ADRA1D: variants seen among roughly 807,000 people sequenced by gnomAD.
ADRA1D encodes alpha-1D adrenergic receptor.
ADRA1D carries 22 observed loss-of-function variants against 18.6 expected under a neutral mutation model. That is an observed-to-expected ratio of 1.19 (90% CI 0.85 to 1.69). ADRA1D has a LOEUF of 1.69. Among genes scored for constraint, ADRA1D ranks in the 40% most tolerant of loss-of-function variants. ADRA1D has a pLI of 0.00. For synonymous variants in ADRA1D, 376 were observed against 388.2 expected, an observed-to-expected ratio of 0.97 and a Z score of 0.37; for missense variants, 840 against 840.7, an observed-to-expected ratio of 1.00 and a Z score of 0.01.
chr20:4,228,559 TAG>T (rs1258771188), intron 1 of ADRA1D, among the ~76,000 whole-genome samples: 16 of 152,182 alleles, frequency 1.1e-4, no homozygotes, highest in African/African-American at 3.6e-4. Flanking sequence ...AATGGTGAAA[TAG>T]AGAGGGAACA....
In ADRA1D at chr20:4,247,903, A is replaced by G. The variant is rs1981373176; in HGVS notation, c.1055T>C (p.Ile352Thr). The G allele has an allele frequency of 6.3e-7, 1 of 1,597,046 alleles. No individual in the cohort carries two copies. Among genetic ancestry groups the G allele is most frequent in the South Asian group, 1.1e-5 (1 of 88,062 alleles). ...REKKAAKTLAIVVGVFVLCWF... is the reference protein window; with the variant it reads ...REKKAAKTLATVVGVFVLCWF... The stretch of plus-strand genomic sequence containing the variant: ...GCAGAGCACGAAGACACCCACGACG[A>G]TGGCCAGAGTCTTGGCCGCTTTCTT... Residue 352 changes from isoleucine to threonine, a missense_variant, in exon 1 of 2, where the codon ATC becomes ACC. Coordinates refer to ENST00000379453, the MANE Select transcript of ADRA1D (RefSeq NM_000678.4).
intron 1 of ADRA1D, among the ~76,000 whole-genome samples, chr20:4,225,428 C>CTTTTTTTTTTTTTTTTTTTTT (rs11474446): frequency 4.2e-5 from 5 of 119,538 alleles, no homozygotes; most frequent in Admixed American, 1.0e-4. Flanking sequence ...TTTTTTCTTT[C>CTTTTTTTTTTTTTTTTTTTTT]TTTTTTTTTT....
In ADRA1D at chr20:4,245,350, G is replaced by C. The variant is rs6052458; in HGVS notation, c.1111+2497C>G. The stretch of plus-strand genomic sequence containing the variant: ...ATAAATCTCAAAGACAAACAAAACA[G>C]TATATTATTATGGATACAGATGTTT... On this transcript the variant is annotated intron_variant, in intron 1 of 1. Coordinates refer to ENST00000379453, the MANE Select transcript of ADRA1D (RefSeq NM_000678.4). Among the ~76,000 whole-genome samples, 4 of 152,036 alleles carry C rather than the reference G, an allele frequency of 2.6e-5. 1 individual carries two copies. In the South Asian group the frequency reaches 8.3e-4, roughly 32 times the overall value.
Position 4,247,921 on chromosome 20 carries a change from G to A in ADRA1D, c.1037C>T (p.Ala346Val), listed in dbSNP as rs763526391. The A allele has an allele frequency of 2.5e-6, 4 of 1,604,386 alleles. No individual in the cohort carries two copies. Among genetic ancestry groups the A allele is most frequent in the Non-Finnish European group, 1.7e-6 (2 of 1,175,738 alleles). ...RLLKFSREKK[A>V]AKTLAIVVGV... ...CACGACGATGGCCAGAGTCTTGGCC[G>A]CTTTCTTCTCACGGGAGAACTTGAG... The change falls in exon 1 of 2, where the codon GCG (alanine) becomes GTG (valine). Residue 346 changes from alanine (A) to valine (V), a missense_variant. Transcript: ENST00000379453.
At chr20:4,234,432 C>T (rs1252825047) in intron 1 of ADRA1D, among the ~76,000 whole-genome samples, 1 of 152,214 alleles carries the variant, frequency 6.6e-6, no homozygotes. Flanking sequence ...TCAGGCTGCA[C>T]CCCAGCCTCC....
chr20:4,238,053 G>T (rs1213704603), intron 1 of ADRA1D, among the ~76,000 whole-genome samples: 2 of 148,464 alleles, frequency 1.3e-5, no homozygotes, highest in Non-Finnish European at 3.0e-5. Context: ...TTTGAGACCA[G>T]CCTGGCCAAC....
At chr20:4,243,299 C>T (rs1375308539) in intron 1 of ADRA1D, among the ~76,000 whole-genome samples, 2 of 152,112 alleles carry the variant, frequency 1.3e-5, no homozygotes, top group African/African-American at 2.4e-5. Context: ...AGGCAGCAGG[C>T]TCTCACTGCG....
chr20:4,226,466 G>A (rs529599096), intron 1 of ADRA1D, among the ~76,000 whole-genome samples: 102 of 152,334 alleles, frequency 6.7e-4, no homozygotes, highest in African/African-American at 2.3e-3. Flanking sequence ...ATCAAGTTAC[G>A]GATCACTGTG....
In ADRA1D at chr20:4,222,096, G is replaced by A. The variant is rs990115193; in HGVS notation, c.1146C>T (p.Gly382=). The change falls in exon 2 of 2, where the codon GGC becomes GGT. Residue 382 remains glycine (G), a synonymous_variant. Transcript: ENST00000379453. This position sits in a 1 kb window ranked among gnomAD's most constrained non-coding sequence, Gnocchi z 4.3. ...SLFPQLKPSE[G]VFKVIFWLGY... is the part of the protein sequence containing the mutation. ...CGAGCCAGAAGATGACCTTGAAGAC[G>A]CCCTCCGATGGCTTCAGCTGCGGGA... is the stretch of plus-strand genomic sequence containing the variant. 1 of 1,612,524 alleles carries A rather than the reference G, an allele frequency of 6.2e-7. No individual in the cohort carries two copies. The highest frequency in any genetic ancestry group is 8.5e-7 in the Non-Finnish European group (1 of 1,179,438).
Position 4,239,034 on chromosome 20 carries a change from T to C in ADRA1D, c.1111+8813A>G, listed in dbSNP as rs1333730896. 6.6e-6 allele frequency among the ~76,000 whole-genome samples: 1 copy of C among 151,722 alleles called. No individual in the cohort carries two copies. Among genetic ancestry groups the C allele is most frequent in the African/African-American group, 2.4e-5 (1 of 41,260 alleles). On this transcript the variant is annotated intron_variant, in intron 1 of 1. Transcript: ENST00000379453. The surrounding 1 kb of genome is among the most constrained non-coding windows in gnomAD (Gnocchi z 4.9). Reference sequence around the variant, plus strand: ...ACCAAGCAGGGAGGACAGGAGCAGATGGACTCAGGAGGAAGAGCTTCACTG... The same window carrying C: ...ACCAAGCAGGGAGGACAGGAGCAGACGGACTCAGGAGGAAGAGCTTCACTG...
intron 1 of ADRA1D, among the ~76,000 whole-genome samples, chr20:4,223,419 G>A (rs115052144): frequency 6.5e-4 from 99 of 152,308 alleles, no homozygotes; most frequent in African/African-American, 2.3e-3. Flanking sequence ...TAACAAAAAG[G>A]GGTAAGGACC....
At position 4,222,872 on chromosome 20, in the gene ADRA1D, G is replaced by A. The variant is rs1980706243; in HGVS notation, c.1112-742C>T. On this transcript the variant is annotated intron_variant, in intron 1 of 1. Coordinates refer to ENST00000379453, the MANE Select transcript of ADRA1D (RefSeq NM_000678.4). This position sits in a 1 kb window ranked among gnomAD's most constrained non-coding sequence, Gnocchi z 4.3. ...TAATATAACCTCTCTGAAGGGCTGG[G>A]CTACAGGGCTTAGTCTATAGTCCTC... Among the ~76,000 whole-genome samples, 1 of 152,180 alleles carries A rather than the reference G, an allele frequency of 6.6e-6. No homozygotes were observed. Among genetic ancestry groups the A allele is most frequent in the Admixed American group, 6.5e-5 (1 of 15,282 alleles).
At chr20:4,236,302 T>C (rs1487760728) in intron 1 of ADRA1D, among the ~76,000 whole-genome samples, 1 of 152,196 alleles carries the variant, frequency 6.6e-6, no homozygotes, top group African/African-American at 2.4e-5. Flanking sequence ...GTTAGGGGGA[T>C]AAAATGATTT....
Position 4,221,219 on chromosome 20 carries a change from A to C in ADRA1D, c.*304T>G. On this transcript the variant is annotated 3_prime_UTR_variant, in exon 2 of 2. Transcript: ENST00000379453. Reference sequence around the variant, plus strand: ...GGGCTGTCTACTCAGGGTTCAGGGCATGGAGGATGGGGCAGTGTTTCTCAA... The same window carrying C: ...GGGCTGTCTACTCAGGGTTCAGGGCCTGGAGGATGGGGCAGTGTTTCTCAA... The C allele has an allele frequency of 3.6e-6, 1 of 275,074 alleles. No homozygotes were observed. 17.0% of individuals were successfully genotyped at this position (275,074 alleles called of 1,614,324 possible).
chr20:4,243,089 C>T (rs1248127205), intron 1 of ADRA1D, among the ~76,000 whole-genome samples: 1 of 152,158 alleles, frequency 6.6e-6, no homozygotes, highest in Non-Finnish European at 1.5e-5. Flanking sequence ...TCCGGTACCC[C>T]TCACACCCGC....
Position 4,249,035 on chromosome 20 carries a change from GC to G in ADRA1D, c.-79del. The G allele has an allele frequency of 9.2e-7, 1 of 1,082,222 alleles. No homozygotes were observed. 67.0% of individuals were successfully genotyped at this position (1,082,222 alleles called of 1,614,324 possible). A position where few individuals can be genotyped will look rare whatever the true frequency, so the allele number is the denominator to read the frequency against. On this transcript the variant is annotated 5_prime_UTR_variant, in exon 1 of 2. Transcript: ENST00000379453. Reference sequence around the variant, plus strand: ...AGGGAGGGGAGCACAGGGCATAGCCGCGGGGCTCCAGATGCAGCTCCGCGCA... The same window carrying G: ...AGGGAGGGGAGCACAGGGCATAGCCGGGGGCTCCAGATGCAGCTCCGCGCA...
chr20:4,248,750 C>T lies in ADRA1D; in HGVS notation c.208G>A (p.Gly70Arg). 1.3e-6 allele frequency: 2 copies of T among 1,511,880 alleles called. No individual in the cohort carries two copies. Among genetic ancestry groups the T allele is most frequent in the South Asian group, 2.6e-5 (2 of 78,398 alleles). 93.7% of individuals were successfully genotyped at this position (1,511,880 alleles called of 1,614,324 possible). ...CCCGCGCCCGCGCTCCCCGGCTCCC[C>T]CGCGGAGCTCCGGTTGTCCTCGCCG... The part of the protein sequence containing the change: ...GSGEDNRSSA[G>R]EPGSAGAGGD... The change falls in exon 1 of 2, where the codon GGG becomes AGG. Residue 70 changes from glycine to arginine, a missense_variant. Physicochemically the swap from Gly to Arg is moderately radical, Grantham distance 125 (BLOSUM62 -2). Coordinates refer to ENST00000379453, the MANE Select transcript of ADRA1D (RefSeq NM_000678.4).
At position 4,221,869 on chromosome 20, in the gene ADRA1D, G is replaced by C. The variant is rs1980677721; in HGVS notation, c.1373C>G (p.Pro458Arg). 3.4e-6 allele frequency: 5 copies of C among 1,465,164 alleles called. No homozygotes were observed. Among genetic ancestry groups the C allele is most frequent in the Non-Finnish European group, 4.5e-6 (5 of 1,117,442 alleles). 90.8% of individuals were successfully genotyped at this position (1,465,164 alleles called of 1,614,324 possible). A position where few individuals can be genotyped will look rare whatever the true frequency, so the allele number is the denominator to read the frequency against. The change falls in exon 2 of 2, where the codon CCC becomes CGC. Residue 458 changes from proline to arginine, a missense_variant. By Grantham distance (103) the Pro-to-Arg change is moderately radical. Transcript: ENST00000379453. ...CGCGGTGAGGGCCAGCGGCGCTCCG[G>C]GGGGCGCGTCGCCCGAACTCGGGGC... ...DCAPSSGDAP[P>R]GAPLALTALP... is the part of the protein sequence containing the mutation.
rs372384982 is a variant in ADRA1D at position 4,248,009 on chromosome 20, C to T, written c.949G>A (p.Gly317Arg). ...HCRGAATGAD[G>R]AHGMRSAKGH... Reference sequence around the variant, plus strand: ...TTGGCGCTGCGCATGCCGTGCGCCCCGTCGGCGCCCGTGGCCGCGCCGCGA... The same window carrying T: ...TTGGCGCTGCGCATGCCGTGCGCCCTGTCGGCGCCCGTGGCCGCGCCGCGA... The change falls in exon 1 of 2, where the codon GGG (glycine) becomes AGG (arginine). Residue 317 changes from glycine to arginine, a missense_variant. Physicochemically the swap from Gly to Arg is moderately radical, Grantham distance 125. Coordinates refer to ENST00000379453, the MANE Select transcript of ADRA1D (RefSeq NM_000678.4). 1.3e-6 allele frequency: 2 copies of T among 1,557,446 alleles called. No individual in the cohort carries two copies. The highest frequency in any genetic ancestry group is 2.0e-5 in the Admixed American group (1 of 51,170).
Sources: allele counts gnomAD v4.1 joint callset (sites outside exome capture counted in the v4.1 genomes callset), GRCh38; gene constraint gnomAD v4.1.1; non-coding constraint Gnocchi (gnomAD v3.1); transcripts MANE v1.5; gene names NCBI Gene and HGNC (gene_info 2026-07-23, HGNC 2026-07-21).